PSD: variants seen among roughly 807,000 people sequenced by gnomAD.
The protein encoded by PSD is PH and SEC7 domain-containing protein 1.
A neutral mutation model predicts 91.6 loss-of-function variants in PSD; 32 were observed. The ratio of observed to expected loss-of-function variants is 0.35; its 90% CI spans 0.26 to 0.47. The LOEUF (loss-of-function observed/expected upper bound fraction) is 0.47. Ranked by LOEUF, PSD falls within the 20% of genes least tolerant of loss-of-function variation. PSD has a pLI of 1.00. For synonymous variants in PSD, 532 were observed against 569.3 expected (o/e 0.93, Z 0.93); for missense variants, 1,099 against 1,373.9 (o/e 0.80, Z 3.16).
rs184795336 is a variant in PSD, at chr10:102,409,574, T to G, written c.2091+1284A>C. Reference sequence around the variant, plus strand: ...CCGCTTCCCTGCAGCCCTTTTCCACTGAGCCAAGAGGGGCCTCGAGGGAGG... The same window carrying G: ...CCGCTTCCCTGCAGCCCTTTTCCACGGAGCCAAGAGGGGCCTCGAGGGAGG... On this transcript the variant is annotated intron_variant, in intron 10 of 16. Coordinates refer to ENST00000020673, the MANE Select transcript of PSD (RefSeq NM_002779.5). The surrounding 1 kb of genome is among the most constrained non-coding windows in gnomAD (Gnocchi z 5.7). Among the ~76,000 whole-genome samples, 50 of 152,124 alleles carry G rather than the reference T, an allele frequency of 3.3e-4. No individual in the cohort carries two copies. Among genetic ancestry groups the G allele is most frequent in the Middle Eastern group, 3.4e-3 (1 of 294 alleles).
At position 102,415,241 on chromosome 10, in the gene PSD, A is replaced by T; in HGVS notation, c.758-12T>A. 1 of 1,587,170 alleles carries T rather than the reference A, an allele frequency of 6.3e-7. No homozygotes were observed. Among genetic ancestry groups the T allele is most frequent in the Non-Finnish European group, 8.6e-7 (1 of 1,162,740 alleles). On this transcript the variant is annotated splice_polypyrimidine_tract_variant and intron_variant, in intron 3 of 16. Transcript: ENST00000020673. Reference sequence around the variant, plus strand: ...TGGGGGCTTAGCACCTGTAGTGTGCATAGGCATCCAGGTCAGGAGGTTATC... The same window carrying T: ...TGGGGGCTTAGCACCTGTAGTGTGCTTAGGCATCCAGGTCAGGAGGTTATC...
rs758781821 is a variant in PSD at position 102,415,143 on chromosome 10, T to C, written c.844A>G (p.Lys282Glu). 8 of 1,613,606 alleles carry C rather than the reference T, an allele frequency of 5.0e-6. No homozygotes were observed. Among genetic ancestry groups the C allele is most frequent in the South Asian group, 2.2e-5 (2 of 91,084 alleles). ...GTGTCCAGGTCTGTCTCGGAGTACT[T>C]GGCTGCTCGCCCCACAGCCACCCCA... is the stretch of plus-strand genomic sequence containing the variant. ...GSGVAVGRAA[K>E]YSETDLDTVP... Residue 282 changes from lysine to glutamate, a missense_variant, in exon 4 of 17, where the codon AAG becomes GAG. By Grantham distance (56) the Lys-to-Glu change is moderately conservative. Coordinates refer to ENST00000020673, the MANE Select transcript of PSD (RefSeq NM_002779.5).
chr10:102,412,240 CAG>C lies in PSD; in HGVS notation c.1749-15_1749-14del. On this transcript the variant is annotated splice_polypyrimidine_tract_variant and intron_variant, in intron 6 of 16. Transcript: ENST00000020673. ...GCTGAAGTCATTGCTGTGGGCAGGGCAGAGAGACAGGTAGGGTCTCAAGGGGA... is the reference window on the plus strand; with the variant it reads ...GCTGAAGTCATTGCTGTGGGCAGGGCAGAGACAGGTAGGGTCTCAAGGGGA... 1 of 1,613,970 alleles carries C rather than the reference CAG, an allele frequency of 6.2e-7. No homozygotes were observed. Among genetic ancestry groups the C allele is most frequent in the Non-Finnish European group, 8.5e-7 (1 of 1,179,880 alleles).
Position 102,403,572 on chromosome 10 carries a change from GC to G in PSD, c.2845-143del. ...GTGAGATGGTCCCATGCGGGCTGGT[GC>G]CCCCTCTGGGCTCTCCTGGGACCAT... is the stretch of plus-strand genomic sequence containing the variant. On this transcript the variant is annotated intron_variant, in intron 16 of 16. Transcript: ENST00000020673. The surrounding 1 kb of genome is among the most constrained non-coding windows in gnomAD (Gnocchi z 6.7). The G allele has an allele frequency of 1.1e-6, 1 of 884,260 alleles. No homozygotes were observed. Among genetic ancestry groups the G allele is most frequent in the South Asian group, 1.8e-5 (1 of 57,100 alleles). The allele number at this position is 884,260 out of a possible 1,614,324, so 54.8% of individuals were successfully genotyped here.
chr10:102,409,020 C>T lies in PSD; in HGVS notation c.2092-1754G>A. The T allele has an allele frequency of 1.0e-6, 1 of 986,876 alleles. No individual in the cohort carries two copies. The highest frequency in any genetic ancestry group is 1.2e-6 in the Non-Finnish European group (1 of 830,084). The allele number at this position is 986,876 out of a possible 1,614,324, so 61.1% of individuals were successfully genotyped here. On this transcript the variant is annotated intron_variant, in intron 10 of 16. Transcript: ENST00000020673. The surrounding 1 kb of genome is among the most constrained non-coding windows in gnomAD (Gnocchi z 5.7). ...GTCTCCGCGCCGCGGTGGGTGCGCC[C>T]GTAGCGCACGGAGCACAGCGAGCGC... is the stretch of plus-strand genomic sequence containing the variant.
intron 11 of PSD, chr10:102,406,164 C>A: frequency 6.5e-6 from 1 of 152,722 alleles, no homozygotes. Flanking sequence ...TTTCAGCCAC[C>A]ACACCTTTGC....
In PSD at chr10:102,404,085, A is replaced by G. The variant is rs1165792405; in HGVS notation, c.2701-100T>C. 9 of 1,294,726 alleles carry G rather than the reference A, an allele frequency of 7.0e-6. No homozygotes were observed. Among genetic ancestry groups the G allele is most frequent in the South Asian group, 1.5e-5 (1 of 65,110 alleles). The allele number at this position is 1,294,726 out of a possible 1,614,324, so 80.2% of individuals were successfully genotyped here. Reference sequence around the variant, plus strand: ...CCCTTCCAGCCGGGCGCGGTGGCTCACGCCTGTAATCCCAGCACTTTGGGA... The same window carrying G: ...CCCTTCCAGCCGGGCGCGGTGGCTCGCGCCTGTAATCCCAGCACTTTGGGA... On this transcript the variant is annotated intron_variant, in intron 15 of 16. Coordinates refer to ENST00000020673, the MANE Select transcript of PSD (RefSeq NM_002779.5). The surrounding 1 kb of genome is among the most constrained non-coding windows in gnomAD (Gnocchi z 5.7).
rs760611970 is a variant in PSD at position 102,403,973 on chromosome 10, G to C, written c.2713C>G (p.Arg905Gly). Residue 905 changes from arginine to glycine, a missense_variant, in exon 16 of 17, where the codon CGG becomes GGG. Arg to Gly is a moderately radical substitution (Grantham distance 125, BLOSUM62 -2). Around this residue, in one of 3 missense-constraint regions of PSD, gnomAD observed 358 missense variants for 426.5 expected, o/e 0.84. Transcript: ENST00000020673. The surrounding 1 kb of genome is among the most constrained non-coding windows in gnomAD (Gnocchi z 6.7). ...GCCTTCAGCTTGGCCTCGTGGGTCC[G>C]CACCTGCTCCTCCTAGCGGCCAGGG... ...ATRLSQEEQV[R>G]THEAKLKAMA... 1 of 1,559,314 alleles carries C rather than the reference G, an allele frequency of 6.4e-7. No individual in the cohort carries two copies. The highest frequency in any genetic ancestry group is 1.9e-5 in the Admixed American group (1 of 52,708).
chr10:102,408,174 C>G (rs932580729), intron 10 of PSD, among the ~76,000 whole-genome samples: 1 of 152,218 alleles, frequency 6.6e-6, no homozygotes, highest in Non-Finnish European at 1.5e-5. Flanking sequence ...CCAGCATGTG[C>G]ATGTTGGGCT....
chr10:102,412,338 A>G (rs975884466), intron 6 of PSD, 43 bp downstream of exon 6: 3 of 1,610,972 alleles, frequency 1.9e-6, no homozygotes, highest in Middle Eastern at 1.6e-4. Context: ...TTCAGGATGC[A>G]TTCCCTCTGC....
rs530725736 is a variant in PSD, at chr10:102,413,530, C to A, written c.1553+239G>T. Among the ~76,000 whole-genome samples the A allele has an allele frequency of 4.6e-5, 7 of 152,228 alleles. No individual in the cohort carries two copies. The East Asian group carries it at 1.4e-3, about 29-fold the overall frequency. ...GGTATTCTCCTGGGATCCTTCAATG[C>A]TGAATCATGCTTTCTCAAGCCACTG... On this transcript the variant is annotated intron_variant, in intron 5 of 16. Coordinates refer to ENST00000020673, the MANE Select transcript of PSD (RefSeq NM_002779.5).
Position 102,404,653 on chromosome 10 carries a change from G to A in PSD, c.2630C>T (p.Pro877Leu). 1 of 1,612,020 alleles carries A rather than the reference G, an allele frequency of 6.2e-7. No individual in the cohort carries two copies. The highest frequency in any genetic ancestry group is 1.1e-5 in the South Asian group (1 of 90,748). Reference protein sequence around the residue: ...VAAMFSAPPFPAAVSSQKKFS... With the variant: ...VAAMFSAPPFLAAVSSQKKFS... Reference sequence around the variant, plus strand: ...CTTCTTTTGGGAGCTAACAGCAGCTGGGAAGGGGGGCGCAGAGAACATAGC... The same window carrying A: ...CTTCTTTTGGGAGCTAACAGCAGCTAGGAAGGGGGGCGCAGAGAACATAGC... The change falls in exon 15 of 17, where the codon CCA becomes CTA. Residue 877 changes from proline to leucine, a missense_variant. Physicochemically the swap from Pro to Leu is moderately conservative, Grantham distance 98. This residue lies in a region of PSD where 358 missense variants were observed against 426.5 expected (regional missense o/e 0.84). Coordinates refer to ENST00000020673, the MANE Select transcript of PSD (RefSeq NM_002779.5). This position sits in a 1 kb window ranked among gnomAD's most constrained non-coding sequence, Gnocchi z 5.7.
chr10:102,405,677 G>A lies in PSD; in HGVS notation c.2136-141C>T, dbSNP rs1055274176. 2 of 755,796 alleles carry A rather than the reference G, an allele frequency of 2.6e-6. No individual in the cohort carries two copies. The highest frequency in any genetic ancestry group is 4.2e-6 in the Non-Finnish European group (2 of 476,500). 46.8% of individuals were successfully genotyped at this position (755,796 alleles called of 1,614,324 possible). ...ACCTGAGGGTCCTGCCATGTCTCCCGTCTCAGATCAGGCCTCCACAATGTG... is the reference window on the plus strand; with the variant it reads ...ACCTGAGGGTCCTGCCATGTCTCCCATCTCAGATCAGGCCTCCACAATGTG... On this transcript the variant is annotated intron_variant, in intron 11 of 16. Coordinates refer to ENST00000020673, the MANE Select transcript of PSD (RefSeq NM_002779.5). This position sits in a 1 kb window ranked among gnomAD's most constrained non-coding sequence, Gnocchi z 5.4.
intron 11 of PSD, 55 bp downstream of exon 11, chr10:102,407,168 G>A (rs2061371636): frequency 2.0e-6 from 3 of 1,486,152 alleles, no homozygotes; most frequent in African/African-American, 2.8e-5. Context: ...AGCCTCCCCA[G>A]GCAGCCCCTT....
In PSD at chr10:102,409,391, G is replaced by A. The variant is rs2061402125; in HGVS notation, c.2091+1467C>T. On this transcript the variant is annotated intron_variant, in intron 10 of 16. Coordinates refer to ENST00000020673, the MANE Select transcript of PSD (RefSeq NM_002779.5). The surrounding 1 kb of genome is among the most constrained non-coding windows in gnomAD (Gnocchi z 5.7). Reference sequence around the variant, plus strand: ...TCGCGAAGGGGGCCCTCCCCGCGCGGCCACGGGGAGGAGCCTGGGGAGGCC... The same window carrying A: ...TCGCGAAGGGGGCCCTCCCCGCGCGACCACGGGGAGGAGCCTGGGGAGGCC... 1 of 981,460 alleles carries A rather than the reference G, an allele frequency of 1.0e-6. No individual in the cohort carries two copies. The highest frequency in any genetic ancestry group is 1.1e-4 in the East Asian group (1 of 8,774). The allele number at this position is 981,460 out of a possible 1,614,324, so 60.8% of individuals were successfully genotyped here. A position where few individuals can be genotyped will look rare whatever the true frequency, so the allele number is the denominator to read the frequency against.
chr10:102,405,823 C>T lies in PSD; in HGVS notation c.2136-287G>A. On this transcript the variant is annotated intron_variant, in intron 11 of 16. Transcript: ENST00000020673. This position sits in a 1 kb window ranked among gnomAD's most constrained non-coding sequence, Gnocchi z 5.4. ...CCTCTCCATTGCTGCACACCTGCAG[C>T]CCTCACACCCTTCTCCACCAGGACA... is the stretch of plus-strand genomic sequence containing the variant. 2.7e-6 allele frequency: 1 copy of T among 365,862 alleles called. No individual in the cohort carries two copies. Among genetic ancestry groups the T allele is most frequent in the Non-Finnish European group, 5.0e-6 (1 of 199,484 alleles). 22.7% of individuals were successfully genotyped at this position (365,862 alleles called of 1,614,324 possible).
Position 102,409,248 on chromosome 10 carries a change from C to CGCGGCG in PSD, c.2091+1604_2091+1609dup, listed in dbSNP as rs1001114558. The CGCGGCG allele has an allele frequency of 3.1e-5, 31 of 984,412 alleles. No individual in the cohort carries two copies. Among genetic ancestry groups the CGCGGCG allele is most frequent in the Admixed American group, 6.2e-5 (1 of 16,128 alleles). The allele number at this position is 984,412 out of a possible 1,614,324, so 61.0% of individuals were successfully genotyped here. A position where few individuals can be genotyped will look rare whatever the true frequency, so the allele number is the denominator to read the frequency against. Reference sequence around the variant, plus strand: ...CCGGCTCTCACGGACGCACGGAGTGCGCGGCGGCGGCGGCGGCGCTGTCTG... The same window carrying CGCGGCG: ...CCGGCTCTCACGGACGCACGGAGTGCGCGGCGGCGGCGGCGGCGGCGGCGCTGTCTG... On this transcript the variant is annotated intron_variant, in intron 10 of 16. Transcript: ENST00000020673. The surrounding 1 kb of genome is among the most constrained non-coding windows in gnomAD (Gnocchi z 5.7).
At position 102,410,337 on chromosome 10, in the gene PSD, T is replaced by C. The variant is rs1341345151; in HGVS notation, c.2091+521A>G. Among the ~76,000 whole-genome samples the C allele has an allele frequency of 1.3e-5, 2 of 152,168 alleles. No homozygotes were observed. Among genetic ancestry groups the C allele is most frequent in the East Asian group, 3.9e-4 (2 of 5,188 alleles). On this transcript the variant is annotated intron_variant, in intron 10 of 16. Transcript: ENST00000020673. The surrounding 1 kb of genome is among the most constrained non-coding windows in gnomAD (Gnocchi z 6.0). ...CTGCTCACAGGGAGCCAGAAAGCAG[T>C]TTCTAGCTCCAGCTTTGCGCTAACT... is the stretch of plus-strand genomic sequence containing the variant.
In PSD at chr10:102,414,052, C is replaced by A; in HGVS notation, c.1270G>T (p.Ala424Ser). 1 of 1,614,014 alleles carries A rather than the reference C, an allele frequency of 6.2e-7. No homozygotes were observed. Among genetic ancestry groups the A allele is most frequent in the Admixed American group, 1.7e-5 (1 of 60,012 alleles). Residue 424 changes from alanine (A) to serine (S), a missense_variant, in exon 5 of 17, where the codon GCC (alanine) becomes TCC (serine). By Grantham distance (99) the Ala-to-Ser change is moderately conservative. Coordinates refer to ENST00000020673, the MANE Select transcript of PSD (RefSeq NM_002779.5). The surrounding 1 kb of genome is among the most constrained non-coding windows in gnomAD (Gnocchi z 5.6). ...RAKGTSYTSL[A>S]SLEALASPGP... ...GGTGAGGCCAAGGCCTCCAGCGAGG[C>A]GAGGCTGGTATAGGAGGTGCCTTTG...
Sources: allele counts gnomAD v4.1 joint callset (sites outside exome capture counted in the v4.1 genomes callset), GRCh38; gene constraint gnomAD v4.1.1; regional missense constraint gnomAD v4.1.1; non-coding constraint Gnocchi (gnomAD v3.1); transcripts MANE v1.5; gene names NCBI Gene and HGNC (gene_info 2026-07-23, HGNC 2026-07-21).